The following SCRIB variants were observed in gnomAD, a reference collection of about 807,000 sequenced individuals.
SCRIB encodes scribble planar cell polarity protein, also known as protein scribble homolog.
A neutral mutation model predicts 170.0 loss-of-function variants in SCRIB; 72 were observed. The observed-to-expected ratio is 0.42, with a 90% confidence interval of 0.35 to 0.52. SCRIB has a LOEUF of 0.52. Among genes scored for constraint, SCRIB ranks in the 20% least tolerant of loss-of-function variants. The probability of loss-of-function intolerance (pLI) is 0.02; values close to 1 mark genes in which losing one functional copy is unlikely to be tolerated. For missense variants in SCRIB, 2,475 were observed against 2,338.5 expected (o/e 1.06, Z -1.20); for synonymous variants, 1,298 against 1,044.3 (o/e 1.24, Z -4.68).
At chr8:143,794,719 C>G (rs1814865174) in intron 27 of SCRIB, among the ~76,000 whole-genome samples, 1 of 151,988 alleles carries the variant, frequency 6.6e-6, no homozygotes, top group Admixed American at 6.5e-5. Flanking sequence ...CCTCTGCCCC[C>G]ACTCGCACCC....
intron 1 of SCRIB, 45 bp downstream of exon 1, chr8:143,815,169 G>A (rs1816015593): frequency 1.3e-6 from 2 of 1,508,678 alleles, no homozygotes; most frequent in Non-Finnish European, 1.8e-6. Context: ...AGGAATCACG[G>A]GCTGGGGGCG....
At chr8:143,805,075 T>C (rs1815358661) in intron 19 of SCRIB, 37 bp downstream of exon 19, 1 of 1,589,354 alleles carries the variant, frequency 6.3e-7, no homozygotes, top group East Asian at 2.3e-5. Context: ...CTGTCAGCTC[T>C]AGAGCAGCCC....
Position 143,812,361 on chromosome 8 carries a change from G to A in SCRIB, c.811C>T (p.Leu271=), listed in dbSNP as rs757489240. The A allele has an allele frequency of 1.5e-5, 24 of 1,613,418 alleles. No individual in the cohort carries two copies. The South Asian group carries it at 2.4e-4, about 16-fold the overall frequency. The change falls in exon 9 of 37, where the codon CTA becomes TTA. Residue 271 remains leucine (L), a synonymous_variant. Transcript: ENST00000356994. ...GIGQLKQLSI[L]KVDQNRLCEV... is the part of the protein sequence containing the mutation. ...CACAGCCGATTCTGGTCTACCTTTA[G>A]GATGGATAGCTGCTTCAGCTGACCT...
At chr8:143,793,206 C>G (rs1054767119) in intron 28 of SCRIB, 123 bp from the exon 29 acceptor site, 12 of 563,070 alleles carry the variant, frequency 2.1e-5, no homozygotes, top group Non-Finnish European at 3.6e-5. Context: ...ACCCACCATC[C>G]TGCTGGGGAA....
chr8:143,809,637 C>T lies in SCRIB; in HGVS notation c.1612G>A (p.Gly538Ser). The T allele has an allele frequency of 6.2e-7, 1 of 1,611,246 alleles. No homozygotes were observed. Among genetic ancestry groups the T allele is most frequent in the South Asian group, 1.1e-5 (1 of 91,086 alleles). ...CCACCCTGTGCCTCAGCCGACGGGC[C>T]CTCGGGCTCAGCCTCAGAGACTGTG... ...ASTVSEAEPE[G>S]PSAEAQGGSQ... Residue 538 changes from glycine (G) to serine (S), a missense_variant, in exon 14 of 37, where the codon GGC becomes AGC. This residue lies in a region of SCRIB where 1,966 missense variants were observed against 1,742.9 expected (regional missense o/e 1.13). Transcript: ENST00000356994.
chr8:143,808,658 G>A lies in SCRIB; in HGVS notation c.2066C>T (p.Thr689Ile), dbSNP rs373155569. The A allele has an allele frequency of 2.0e-6, 3 of 1,532,902 alleles. No individual in the cohort carries two copies. The highest frequency in any genetic ancestry group is 2.6e-6 in the Non-Finnish European group (3 of 1,142,796). The allele number at this position is 1,532,902 out of a possible 1,614,324, so 95.0% of individuals were successfully genotyped here. A position where few individuals can be genotyped will look rare whatever the true frequency, so the allele number is the denominator to read the frequency against. The change falls in exon 15 of 37, where the codon ACT becomes ATT. Residue 689 changes from threonine (T) to isoleucine (I), a missense_variant. Coordinates refer to ENST00000356994, the MANE Select transcript of SCRIB (RefSeq NM_182706.5). ...ENRAEEEEAS[T>I]EEEDKEGAVV... ...GGCCCCCTCCTTGTCCTCCTCCTCAGTGCTGGCCTCTTCCTCTTCAGCCCT... is the reference window on the plus strand; with the variant it reads ...GGCCCCCTCCTTGTCCTCCTCCTCAATGCTGGCCTCTTCCTCTTCAGCCCT...
rs1256713993 is a variant in SCRIB at position 143,815,741 on chromosome 8, G to T, written c.-369C>A. ...CGGACTGCCCCGCCGACACCCACCC[G>T]GCCGCCGCGCAGCCCGTCGGGAAGC... is the stretch of plus-strand genomic sequence containing the variant. On this transcript the variant is annotated 5_prime_UTR_variant, in exon 1 of 37. Coordinates refer to ENST00000356994, the MANE Select transcript of SCRIB (RefSeq NM_182706.5). 2 of 983,034 alleles carry T rather than the reference G, an allele frequency of 2.0e-6. No individual in the cohort carries two copies. The highest frequency in any genetic ancestry group is 2.4e-6 in the Non-Finnish European group (2 of 829,234). The allele number at this position is 983,034 out of a possible 1,614,324, so 60.9% of individuals were successfully genotyped here. A position where few individuals can be genotyped will look rare whatever the true frequency, so the allele number is the denominator to read the frequency against.
chr8:143,795,152 C>G (rs782272779), intron 26 of SCRIB, 40 bp from the exon 27 acceptor site: 1 of 1,603,394 alleles, frequency 6.2e-7, no homozygotes, highest in African/African-American at 1.3e-5. Context: ...GGGGTAGCTC[C>G]GTGGCAGCAC....
Position 143,793,097 on chromosome 8 carries a change from C to A in SCRIB, c.3910-14G>T. 1 of 1,392,244 alleles carries A rather than the reference C, an allele frequency of 7.2e-7. No individual in the cohort carries two copies. Among genetic ancestry groups the A allele is most frequent in the Non-Finnish European group, 9.5e-7 (1 of 1,050,494 alleles). The allele number at this position is 1,392,244 out of a possible 1,614,324, so 86.2% of individuals were successfully genotyped here. On this transcript the variant is annotated splice_polypyrimidine_tract_variant and intron_variant, in intron 28 of 36. Transcript: ENST00000356994. ...CGGGGAGGGCGGCTGGGGGGTGGGG[C>A]TCTTGTGAGCTATGCTGGGGCAGCT... is the stretch of plus-strand genomic sequence containing the variant.
chr8:143,791,572 A>T, intron 35 of SCRIB, 94 bp downstream of exon 35: 1 of 1,528,246 alleles, frequency 6.5e-7, no homozygotes, highest in Non-Finnish European at 9.1e-7. Context: ...AGGCAGGGCC[A>T]CGGCAGAGCG....
intron 14 of SCRIB, 30 bp from the exon 15 acceptor site, chr8:143,809,055 C>T: frequency 6.3e-7 from 1 of 1,584,492 alleles, no homozygotes; most frequent in African/African-American, 1.3e-5. Flanking sequence ...AGGGTGGCCC[C>T]AGCTCTGTGG....
At chr8:143,813,548 G>C (rs200317140) in intron 4 of SCRIB, 22 bp from the exon 5 acceptor site, 4 of 1,613,084 alleles carry the variant, frequency 2.5e-6, no homozygotes, top group South Asian at 1.1e-5. Flanking sequence ...ACCAGGCGCT[G>C]GGGCAAGAGG....
rs1216513033 is a variant in SCRIB, at chr8:143,791,653, G to A, written c.4770+13C>T. Reference sequence around the variant, plus strand: ...CAGGGTGGCAGGCATGCAGAGGCCTGGAGGCCAGGTACCTGGATGTCATAG... The same window carrying A: ...CAGGGTGGCAGGCATGCAGAGGCCTAGAGGCCAGGTACCTGGATGTCATAG... On this transcript the variant is annotated intron_variant, in intron 35 of 36. Coordinates refer to ENST00000356994, the MANE Select transcript of SCRIB (RefSeq NM_182706.5). The A allele has an allele frequency of 6.2e-7, 1 of 1,602,432 alleles. No homozygotes were observed. Among genetic ancestry groups the A allele is most frequent in the Non-Finnish European group, 8.5e-7 (1 of 1,171,158 alleles).
chr8:143,814,135 C>T lies in SCRIB; in HGVS notation c.160-17G>A. 1 of 1,546,790 alleles carries T rather than the reference C, an allele frequency of 6.5e-7. No homozygotes were observed. The highest frequency in any genetic ancestry group is 1.2e-5 in the South Asian group (1 of 84,070). ...GAAAAAAGGCTGTGGGCAGGGAGGA[C>T]ACGGACTCTGTGGCAGAGACCACTG... On this transcript the variant is annotated splice_polypyrimidine_tract_variant and intron_variant, in intron 1 of 36. Coordinates refer to ENST00000356994, the MANE Select transcript of SCRIB (RefSeq NM_182706.5).
chr8:143,803,873 C>T lies in SCRIB; in HGVS notation c.3188G>A (p.Gly1063Glu). 6.3e-7 allele frequency: 1 copy of T among 1,598,818 alleles called. No homozygotes were observed. The highest frequency in any genetic ancestry group is 8.5e-7 in the Non-Finnish European group (1 of 1,173,778). ...RVGDRILAVN[G>E]QDVRDATHQE... ...GTGCGTGGCATCCCGCACGTCTTGC[C>T]CGTTCACTGCCAGGATGCGGTCCCC... is the stretch of plus-strand genomic sequence containing the variant. Residue 1063 changes from glycine (G) to glutamate (E), a missense_variant, in exon 23 of 37, where the codon GGG becomes GAG. Transcript: ENST00000356994.
chr8:143,804,764 G>A lies in SCRIB; in HGVS notation c.2813C>T (p.Ala938Val). The A allele has an allele frequency of 1.9e-6, 3 of 1,603,474 alleles. No individual in the cohort carries two copies. The highest frequency in any genetic ancestry group is 2.5e-6 in the Non-Finnish European group (3 of 1,176,846). ...HDHAVSLLTA[A>V]SPTIALLLER... ...CAACAGCAGGGCGATGGTGGGGGAG[G>A]CAGCGGTCAGCAGGGAGACGGCGTG... The change falls in exon 21 of 37, where the codon GCC becomes GTC. Residue 938 changes from alanine (A) to valine (V), a missense_variant. Around this residue, in one of 3 missense-constraint regions of SCRIB, gnomAD observed 1,966 missense variants for 1,742.9 expected, o/e 1.13. Coordinates refer to ENST00000356994, the MANE Select transcript of SCRIB (RefSeq NM_182706.5).
At position 143,804,788 on chromosome 8, in the gene SCRIB, T is replaced by C. The variant is rs1195339676; in HGVS notation, c.2789A>G (p.His930Arg). The C allele has an allele frequency of 1.9e-6, 3 of 1,598,750 alleles. No homozygotes were observed. Among genetic ancestry groups the C allele is most frequent in the Non-Finnish European group, 2.6e-6 (3 of 1,176,408 alleles). The change falls in exon 21 of 37, where the codon CAC (histidine) becomes CGC (arginine). Residue 930 changes from histidine (H) to arginine (R), a missense_variant. Physicochemically the swap from His to Arg is conservative, Grantham distance 29. Around this residue, in one of 3 missense-constraint regions of SCRIB, gnomAD observed 1,966 missense variants for 1,742.9 expected, o/e 1.13. Transcript: ENST00000356994. The stretch of plus-strand genomic sequence containing the variant: ...GGCAGCGGTCAGCAGGGAGACGGCG[T>C]GGTCATGCCTGGCCTCAGTCACGTC... ...GVDVTEARHD[H>R]AVSLLTAASP...
chr8:143,813,001 A>C (rs746162411), intron 7 of SCRIB, 29 bp downstream of exon 7: 1 of 1,610,300 alleles, frequency 6.2e-7, no homozygotes, highest in Non-Finnish European at 8.5e-7. Context: ...ATGGGCACGA[A>C]GCAGGGGGCC....
chr8:143,803,351 G>A (rs781889883), intron 24 of SCRIB, 32 bp downstream of exon 24: 4 of 1,517,838 alleles, frequency 2.6e-6, no homozygotes, highest in Admixed American at 1.9e-5. Context: ...TGGGCCAGAG[G>A]GAGGCCCGGT....
Sources: gnomAD v4.1 joint callset for allele counts (sites outside exome capture counted in the v4.1 genomes callset) on GRCh38, gnomAD v4.1.1 for gene constraint, gnomAD v4.1.1 regional missense constraint, MANE v1.5 for transcripts, NCBI Gene and HGNC (gene_info 2026-07-23, HGNC 2026-07-21) for gene names.